SFPQ: variants seen among roughly 807,000 people sequenced by gnomAD.
SFPQ encodes splicing factor proline and glutamine rich, also known as splicing factor, proline- and glutamine-rich.
SFPQ carries 11 observed loss-of-function variants against 72.9 expected under a neutral mutation model. That is an observed-to-expected ratio of 0.15 (90% CI 0.09 to 0.25). The LOEUF (loss-of-function observed/expected upper bound fraction) is 0.25. SFPQ is among the 10% of genes least tolerant of loss of function. The probability of loss-of-function intolerance (pLI) is 1.00; values close to 1 mark genes in which losing one functional copy is unlikely to be tolerated. For synonymous variants in SFPQ, 506 were observed against 367.3 expected (o/e 1.38, Z -4.32); for missense variants, 847 against 993.3 (o/e 0.85, Z 1.98).
intron 4 of SFPQ, chr1:35,177,689 T>C (rs979823943): frequency 3.2e-5 from 5 of 154,884 alleles, no homozygotes; most frequent in African/African-American, 1.2e-4. Flanking sequence ...AGATGGAGTC[T>C]AAAATTGAAT....
intron 5 of SFPQ, among the ~76,000 whole-genome samples, chr1:35,176,913 T>C (rs2148600210): frequency 6.8e-6 from 1 of 147,122 alleles, no homozygotes; most frequent in African/African-American, 2.5e-5. Context: ...TGAAAGAACA[T>C]GGCATTAATT....
Position 35,187,201 on chromosome 1 carries a change from A to G in SFPQ, c.1864+2T>C. ...TATCATTAATTTAAATTTCACACTT[A>G]CCTCCCATGTTCATTGCTCCTCCGC... On this transcript the variant is annotated splice_donor_variant, in intron 8 of 9. Transcript: ENST00000357214. LOFTEE classifies it high-confidence loss of function. The G allele has an allele frequency of 6.2e-7, 1 of 1,613,674 alleles. No homozygotes were observed. The highest frequency in any genetic ancestry group is 1.7e-5 in the Admixed American group (1 of 59,950).
At chr1:35,182,586 T>C (rs867627698), downstream of SFPQ, 4 of 985,322 alleles carry the variant, frequency 4.1e-6, no homozygotes, top group South Asian at 1.4e-4. Context: ...ATAGGTCTCC[T>C]TTTGTACACA....
At chr1:35,177,925 A>G in intron 4 of SFPQ, 2 of 732,632 alleles carry the variant, frequency 2.7e-6, no homozygotes, top group Admixed American at 4.9e-5. Flanking sequence ...CCACATATCT[A>G]AATGAAATTA....
chr1:35,185,226 TTA>T (rs1170381006), intron 9 of SFPQ, among the ~76,000 whole-genome samples: 11 of 152,206 alleles, frequency 7.2e-5, no homozygotes, highest in African/African-American at 2.4e-4. Flanking sequence ...TCAAAAAAAC[TTA>T]TGTTGCCAAA....
chr1:35,191,655 T>C (rs12040066), intron 1 of SFPQ, 126 bp from the exon 2 acceptor site: 91,930 of 686,792 alleles, frequency 0.13, 20,902 homozygotes, highest in East Asian at 0.7. Context: ...AATCAAGGTT[T>C]TACTATGTGA....
chr1:35,178,843 C>G (rs1429069198), downstream of SFPQ: 1 of 1,050,598 alleles, frequency 9.5e-7, no homozygotes, highest in Non-Finnish European at 1.1e-6. Flanking sequence ...TCCCCCCATT[C>G]TCCACATTGT....
chr1:35,182,514 C>A (rs1056313915), downstream of SFPQ: 1 of 985,278 alleles, frequency 1.0e-6, no homozygotes, highest in Non-Finnish European at 1.2e-6. Flanking sequence ...CTTTTATACA[C>A]TAGTGTTTAC....
At chr1:35,178,305 A>T, downstream of SFPQ, 1 of 1,090,816 alleles carries the variant, frequency 9.2e-7, no homozygotes, top group Non-Finnish European at 1.1e-6. Flanking sequence ...CAGTCTGAGC[A>T]CAAGTTTGAC....
chr1:35,189,064 A>G lies in SFPQ; in HGVS notation c.1636T>C (p.Leu546=). ...RQDLMRRQEE[L]RRMEELHNQE... is the part of the protein sequence containing the mutation. ...TTGTGAAGTTCTTCCATGCGTCTTA[A>G]TTCTTCCTGTCGTCTCATCAGATCT... Residue 546 remains leucine (L), a synonymous_variant, in exon 6 of 10, where the codon TTA becomes CTA. Transcript: ENST00000357214. The G allele has an allele frequency of 6.2e-7, 1 of 1,613,196 alleles. No individual in the cohort carries two copies. The highest frequency in any genetic ancestry group is 1.3e-5 in the African/African-American group (1 of 75,046).
In SFPQ at chr1:35,187,180, ATTAAT is replaced by A. The variant is rs1228065558; in HGVS notation, c.1864+18_1864+22del. The A allele has an allele frequency of 3.1e-6, 5 of 1,614,000 alleles. No homozygotes were observed. Among genetic ancestry groups the A allele is most frequent in the African/African-American group, 1.3e-5 (1 of 75,024 alleles). ...CAGGATACTACTCTCTACTTATATC[ATTAAT>A]TTAAATTTCACACTTACCTCCCATG... On this transcript the variant is annotated intron_variant, in intron 8 of 9. Transcript: ENST00000357214.
At position 35,190,749 on chromosome 1, in the gene SFPQ, G is replaced by T. The variant is rs1256352988; in HGVS notation, c.1264C>A (p.Pro422Thr). Residue 422 changes from proline (P) to threonine (T), a missense_variant, in exon 3 of 10, where the codon CCA becomes ACA. Around this residue, in one of 6 missense-constraint regions of SFPQ, gnomAD observed 132 missense variants for 255.4 expected, o/e 0.52. Coordinates refer to ENST00000357214, the MANE Select transcript of SFPQ (RefSeq NM_005066.3). ...CGTTCAAATGCCTTTCTTGCTGCTG[G>T]CTTAGAAGCAAATTCAACAATGCCT... ...GKGIVEFASK[P>T]AARKAFERCS... The T allele has an allele frequency of 6.2e-7, 1 of 1,614,082 alleles. No individual in the cohort carries two copies. Among genetic ancestry groups the T allele is most frequent in the Non-Finnish European group, 8.5e-7 (1 of 1,180,042 alleles).
At chr1:35,180,045 A>G, downstream of SFPQ, 6 of 1,054,268 alleles carry the variant, frequency 5.7e-6, no homozygotes, top group Non-Finnish European at 6.9e-6. Context: ...TGAATGGACT[A>G]CATGTTAAAG....
At chr1:35,189,664 G>A (rs6671861) in intron 4 of SFPQ, among the ~76,000 whole-genome samples, 3,819 of 152,124 alleles carry the variant, frequency 0.025, 156 homozygotes, top group East Asian at 0.17. Context: ...AAAATGTACT[G>A]TAGGCCACAC....
rs529765978 is a variant in SFPQ at position 35,190,445 on chromosome 1, T to C, written c.1415+53A>G. Reference sequence around the variant, plus strand: ...AAAATTGGAAAATCACTAAAATAAATTTAACCTTTACACTTGATTTAAAAA... The same window carrying C: ...AAAATTGGAAAATCACTAAAATAAACTTAACCTTTACACTTGATTTAAAAA... On this transcript the variant is annotated intron_variant, in intron 4 of 9. Coordinates refer to ENST00000357214, the MANE Select transcript of SFPQ (RefSeq NM_005066.3). The C allele has an allele frequency of 9.4e-6, 12 of 1,272,824 alleles. No homozygotes were observed. The East Asian group carries it at 2.8e-4, about 30-fold the overall frequency. The allele number at this position is 1,272,824 out of a possible 1,614,324, so 78.8% of individuals were successfully genotyped here. A position where few individuals can be genotyped will look rare whatever the true frequency, so the allele number is the denominator to read the frequency against.
downstream of SFPQ, chr1:35,179,091 G>A: frequency 9.5e-7 from 1 of 1,057,270 alleles, no homozygotes; most frequent in Non-Finnish European, 1.1e-6. Flanking sequence ...TGCACTAGCT[G>A]ACATCACTAA....
At chr1:35,180,390 A>G, downstream of SFPQ, 1 of 1,043,934 alleles carries the variant, frequency 9.6e-7, no homozygotes, top group Non-Finnish European at 1.2e-6. Flanking sequence ...CAAATTCAAA[A>G]AGCTACTCTG....
intron 2 of SFPQ, 130 bp from the exon 3 acceptor site, chr1:35,191,125 C>G (rs1396872854): frequency 1.2e-6 from 1 of 862,110 alleles, no homozygotes; most frequent in Non-Finnish European, 1.8e-6. Flanking sequence ...AGGCAGCACC[C>G]ACTAACACCA....
chr1:35,184,707 G>A, intron 9 of SFPQ, 114 bp from the exon 10 acceptor site: 1 of 1,356,402 alleles, frequency 7.4e-7, no homozygotes, highest in Non-Finnish European at 9.6e-7. Context: ...CCAATGAGTC[G>A]ATCCACAGGT....
Sources: allele counts gnomAD v4.1 joint callset (sites outside exome capture counted in the v4.1 genomes callset), GRCh38; gene constraint gnomAD v4.1.1; regional missense constraint gnomAD v4.1.1; transcripts MANE v1.5; gene names NCBI Gene and HGNC (gene_info 2026-07-23, HGNC 2026-07-21).